The following NWD2 variants were observed in gnomAD, a reference collection of about 807,000 sequenced individuals.
NWD2 encodes the protein NACHT and WD repeat domain-containing protein 2.
A neutral mutation model predicts 132.7 loss-of-function variants in NWD2; 37 were observed. The ratio of observed to expected loss-of-function variants is 0.28; its 90% confidence interval spans 0.21 to 0.37. The LOEUF (loss-of-function observed/expected upper bound fraction) is 0.37, where lower values mean the gene tolerates loss of function less well. Ranked by LOEUF, NWD2 falls within the 10% of genes least tolerant of loss-of-function variation. The probability of loss-of-function intolerance (pLI) is 1.00; values close to 1 mark genes in which losing one functional copy is unlikely to be tolerated. For synonymous variants in NWD2, 705 were observed against 803.0 expected (o/e 0.88, Z 2.06); for missense variants, 1,592 against 2,122.4 (o/e 0.75, Z 4.91).
In NWD2 at chr4:37,307,328, T is replaced by C. The variant is rs146571260; in HGVS notation, c.152-18608T>C. Among the ~76,000 whole-genome samples the C allele has an allele frequency of 1.3e-4, 19 of 151,760 alleles. 1 individual carries two copies. In the East Asian group the frequency reaches 3.7e-3, roughly 30 times the overall value. Reference sequence around the variant, plus strand: ...CTTGTCGTGTAGGTCTAGTGGTAAATTCCCACAGTTTTGCTTGTCTGGGAG... The same window carrying C: ...CTTGTCGTGTAGGTCTAGTGGTAAACTCCCACAGTTTTGCTTGTCTGGGAG... On this transcript the variant is annotated intron_variant, in intron 1 of 6. Coordinates refer to ENST00000309447, the MANE Select transcript of NWD2 (RefSeq NM_001144990.2).
intron 3 of NWD2, among the ~76,000 whole-genome samples, chr4:37,423,572 A>G (rs1395687784): frequency 6.6e-6 from 1 of 152,176 alleles, no homozygotes; most frequent in East Asian, 1.9e-4. Context: ...TCTCAGCTCA[A>G]CAGTCAGGCA....
chr4:37,339,188 T>C lies in NWD2; in HGVS notation c.240+13164T>C, dbSNP rs188704541. Reference sequence around the variant, plus strand: ...TTATAAGCATGTTACATCATCCTTCTCCCATCCATGTGAGTGAGGCAGCTT... The same window carrying C: ...TTATAAGCATGTTACATCATCCTTCCCCCATCCATGTGAGTGAGGCAGCTT... On this transcript the variant is annotated intron_variant, in intron 2 of 6. Coordinates refer to ENST00000309447, the MANE Select transcript of NWD2 (RefSeq NM_001144990.2). Among the ~76,000 whole-genome samples, 13 of 152,160 alleles carry C rather than the reference T, an allele frequency of 8.5e-5. No individual in the cohort carries two copies. In the East Asian group the frequency reaches 2.5e-3, roughly 29 times the overall value.
At chr4:37,355,902 CT>C (rs1027028394) in intron 2 of NWD2, among the ~76,000 whole-genome samples, 50 of 146,978 alleles carry the variant, frequency 3.4e-4, no homozygotes, top group East Asian at 9.9e-4. Flanking sequence ...AATGACAGGG[CT>C]TTTTTTTTTT....
chr4:37,380,365 G>A (rs1720429998), intron 3 of NWD2, among the ~76,000 whole-genome samples: 1 of 152,158 alleles, frequency 6.6e-6, no homozygotes, highest in Non-Finnish European at 1.5e-5. Context: ...TTAAGAGTAC[G>A]GACTCTGAAA....
At chr4:37,347,014 T>C (rs1719651031) in intron 2 of NWD2, among the ~76,000 whole-genome samples, 1 of 152,124 alleles carries the variant, frequency 6.6e-6, no homozygotes. Context: ...TTTTAGTATA[T>C]TGTACCTTTA....
intron 3 of NWD2, among the ~76,000 whole-genome samples, chr4:37,383,619 G>A (rs1212858815): frequency 6.6e-6 from 1 of 152,052 alleles, no homozygotes; most frequent in Non-Finnish European, 1.5e-5. Context: ...CCCTACGCTG[G>A]CTCTATCACC....
intron 1 of NWD2, among the ~76,000 whole-genome samples, chr4:37,276,976 G>A (rs952736999): frequency 3.3e-5 from 5 of 151,872 alleles, no homozygotes; most frequent in Admixed American, 2.0e-4. Flanking sequence ...ACACACCGGG[G>A]CCTGTTGTGG....
intron 3 of NWD2, among the ~76,000 whole-genome samples, chr4:37,390,612 G>A (rs1387143387): frequency 6.6e-6 from 1 of 152,048 alleles, no homozygotes; most frequent in East Asian, 1.9e-4. Flanking sequence ...ACCTACTCAG[G>A]CGATTATCTG....
At chr4:37,318,882 A>T (rs889936776) in intron 1 of NWD2, among the ~76,000 whole-genome samples, 5 of 152,116 alleles carry the variant, frequency 3.3e-5, no homozygotes, top group South Asian at 2.1e-4. Context: ...CCCACCATTG[A>T]TGGGCACCTA....
chr4:37,362,440 C>T (rs953146048), intron 3 of NWD2, among the ~76,000 whole-genome samples: 1 of 152,150 alleles, frequency 6.6e-6, no homozygotes, highest in African/African-American at 2.4e-5. Context: ...CTACAGTAAC[C>T]CAAACAGCAT....
At chr4:37,270,086 T>G (rs1174006641) in intron 1 of NWD2, among the ~76,000 whole-genome samples, 1 of 151,786 alleles carries the variant, frequency 6.6e-6, no homozygotes, top group African/African-American at 2.4e-5. Flanking sequence ...TTGGGCATCT[T>G]TTTGTTCTTA....
intron 3 of NWD2, among the ~76,000 whole-genome samples, chr4:37,389,858 G>A (rs1242607455): frequency 6.6e-6 from 1 of 151,822 alleles, no homozygotes; most frequent in Non-Finnish European, 1.5e-5. Flanking sequence ...TCGGCTCACT[G>A]CAACCTCTAC....
intron 3 of NWD2, among the ~76,000 whole-genome samples, chr4:37,430,299 A>C (rs1712133608): frequency 6.6e-6 from 1 of 152,178 alleles, no homozygotes; most frequent in Non-Finnish European, 1.5e-5. Context: ...TATTATGTAA[A>C]CTTTGAGAAA....
Position 37,245,118 on chromosome 4 carries a change from G to A in NWD2, c.51G>A (p.Ala17=), listed in dbSNP as rs866673029. 1.9e-6 allele frequency: 3 copies of A among 1,547,354 alleles called. No individual in the cohort carries two copies. The highest frequency in any genetic ancestry group is 1.2e-5 in the South Asian group (1 of 83,994). The change falls in exon 1 of 7, where the codon GCG becomes GCA. Residue 17 remains alanine, a synonymous_variant. Transcript: ENST00000309447. Reference sequence around the variant, plus strand: ...AGCTGCCCTGTCCCCGAGACTCTGCGCTCCGGCGGGCGGCTTTCTCTGGGA... The same window carrying A: ...AGCTGCCCTGTCCCCGAGACTCTGCACTCCGGCGGGCGGCTTTCTCTGGGA... ...GTKLPCPRDS[A]LRRAAFSGNL... is the part of the protein sequence containing the mutation.
chr4:37,256,513 TTG>T (rs1305178679), intron 1 of NWD2, among the ~76,000 whole-genome samples: 1 of 152,138 alleles, frequency 6.6e-6, no homozygotes, highest in Non-Finnish European at 1.5e-5. Context: ...TCACACTCGA[TTG>T]ATGATATTCT....
In NWD2 at chr4:37,417,500, T is replaced by C. The variant is rs181521040; in HGVS notation, c.358-13072T>C. On this transcript the variant is annotated intron_variant, in intron 3 of 6. Coordinates refer to ENST00000309447, the MANE Select transcript of NWD2 (RefSeq NM_001144990.2). ...CAAATGTATAAAAATAGTTGCATCTTTGGAAGGAGGAGGGGAATCAGCCTG... is the reference window on the plus strand; with the variant it reads ...CAAATGTATAAAAATAGTTGCATCTCTGGAAGGAGGAGGGGAATCAGCCTG... 2.7e-4 allele frequency among the ~76,000 whole-genome samples: 41 copies of C among 152,192 alleles called. No homozygotes were observed. The East Asian group carries it at 7.7e-3, about 29-fold the overall frequency.
intron 2 of NWD2, among the ~76,000 whole-genome samples, chr4:37,335,769 T>C (rs1156405004): frequency 6.6e-6 from 1 of 151,152 alleles, no homozygotes; most frequent in Non-Finnish European, 1.5e-5. Context: ...CCCCAAACCA[T>C]GCCCCTACCT....
At chr4:37,271,007 C>T (rs1340547860) in intron 1 of NWD2, among the ~76,000 whole-genome samples, 3 of 151,782 alleles carry the variant, frequency 2.0e-5, no homozygotes, top group African/African-American at 4.8e-5. Context: ...CTTTCTTTTC[C>T]CCCATTGAAT....
intron 3 of NWD2, among the ~76,000 whole-genome samples, chr4:37,364,085 C>T (rs938390296): frequency 1.3e-5 from 2 of 152,140 alleles, no homozygotes; most frequent in Non-Finnish European, 2.9e-5. Context: ...TTGCAGTGAG[C>T]CAAGATCACA....
Sources: allele counts gnomAD v4.1 joint callset (sites outside exome capture counted in the v4.1 genomes callset), GRCh38; gene constraint gnomAD v4.1.1; transcripts MANE v1.5; gene names NCBI Gene and HGNC (gene_info 2026-07-23, HGNC 2026-07-21).